Variants in PCDHGA3 observed in about 807,000 individuals in gnomAD.
The protein encoded by PCDHGA3 is protocadherin gamma subfamily A, 3, also known as protocadherin gamma-A3.
PCDHGA3 carries 40 observed loss-of-function variants against 58.5 expected under a neutral mutation model. That is an observed-to-expected ratio of 0.68 (90% confidence interval 0.53 to 0.89). PCDHGA3 has a LOEUF of 0.89. Among genes scored for constraint, PCDHGA3 ranks in the 40% least tolerant of loss-of-function variants. PCDHGA3 has a pLI of 0.00. For synonymous variants in PCDHGA3, 530 were observed against 525.7 expected (o/e 1.01, Z -0.11); for missense variants, 1,223 against 1,195.9 (o/e 1.02, Z -0.33).
At chr5:141,410,748 C>G in intron 1 of PCDHGA3, 1 of 1,245,396 alleles carries the variant, frequency 8.0e-7, no homozygotes, top group Non-Finnish European at 1.1e-6. Flanking sequence ...AATATTTTCT[C>G]AATGTTTTTT....
intron 2 of PCDHGA3, among the ~76,000 whole-genome samples, chr5:141,495,094 C>T (rs1470702358): frequency 6.6e-6 from 1 of 152,156 alleles, no homozygotes; most frequent in African/African-American, 2.4e-5. Flanking sequence ...CTTCCCTCCT[C>T]GCCACGACCG....
chr5:141,362,171 G>T (rs62378417), intron 1 of PCDHGA3: 1 of 1,613,836 alleles, frequency 6.2e-7, no homozygotes, highest in African/African-American at 1.3e-5. Context: ...AGCGACCGCC[G>T]GGAGCCCTCT....
intron 1 of PCDHGA3, chr5:141,361,938 C>T (rs778338184): frequency 1.2e-6 from 2 of 1,605,814 alleles, no homozygotes; most frequent in East Asian, 4.5e-5. Context: ...CAGGACACAA[C>T]GCTTGGCTGT....
At chr5:141,441,775 A>G (rs1005757857) in intron 1 of PCDHGA3, 27 of 388,638 alleles carry the variant, frequency 6.9e-5, no homozygotes, top group Admixed American at 5.4e-4. Context: ...GTGTTGGTGG[A>G]CGACCTGAAT....
At position 141,469,305 on chromosome 5, in the gene PCDHGA3, G is replaced by A. The variant is rs990437808; in HGVS notation, c.2425-25502G>A. Among the ~76,000 whole-genome samples the A allele has an allele frequency of 3.9e-5, 6 of 152,192 alleles. No homozygotes were observed. The South Asian group carries it at 6.2e-4, about 16-fold the overall frequency. On this transcript the variant is annotated intron_variant, in intron 1 of 3. Transcript: ENST00000253812. ...AAATAAAACAAAATAGACTGGGCACGATGGCTCACGCCTGTAATCCCACCA... is the reference window on the plus strand; with the variant it reads ...AAATAAAACAAAATAGACTGGGCACAATGGCTCACGCCTGTAATCCCACCA...
chr5:141,399,133 G>T (rs1054849184), intron 1 of PCDHGA3: 2 of 1,613,832 alleles, frequency 1.2e-6, no homozygotes, highest in African/African-American at 1.3e-5. Flanking sequence ...TATTCAAGAT[G>T]AAAATGACAA....
chr5:141,447,428 G>A (rs542079336), intron 1 of PCDHGA3, among the ~76,000 whole-genome samples: 4 of 152,182 alleles, frequency 2.6e-5, no homozygotes, highest in East Asian at 1.9e-4. Flanking sequence ...GTGAGCCACC[G>A]CACCCGGAGG....
At chr5:141,462,503 A>G (rs1338834436) in intron 1 of PCDHGA3, among the ~76,000 whole-genome samples, 1 of 152,060 alleles carries the variant, frequency 6.6e-6, no homozygotes, top group East Asian at 1.9e-4. Context: ...ATAATTGTCA[A>G]CTAGATCAAG....
At chr5:141,402,946 G>A (rs1012771364) in intron 1 of PCDHGA3, 1 of 1,592,686 alleles carries the variant, frequency 6.3e-7, no homozygotes, top group African/African-American at 1.4e-5. Flanking sequence ...TCCAAAGCGA[G>A]GCAGCAATGG....
intron 1 of PCDHGA3, among the ~76,000 whole-genome samples, chr5:141,435,790 A>G (rs1336963117): frequency 2.0e-5 from 3 of 152,168 alleles, no homozygotes; most frequent in African/African-American, 7.2e-5. Flanking sequence ...GCAGGGAAAC[A>G]TAACGTCCCA....
At chr5:141,479,849 C>T (rs1014214860) in intron 1 of PCDHGA3, among the ~76,000 whole-genome samples, 7 of 152,208 alleles carry the variant, frequency 4.6e-5, no homozygotes. Context: ...AAGGTGACTG[C>T]AAGGCCTTTG....
chr5:141,369,925 G>C (rs376465013), intron 1 of PCDHGA3, among the ~76,000 whole-genome samples: 2 of 152,186 alleles, frequency 1.3e-5, no homozygotes, highest in African/African-American at 2.4e-5. Flanking sequence ...AACTAAAAAC[G>C]TGACGGGATT....
rs766083208 is a variant in PCDHGA3, at chr5:141,477,506, G to A, written c.2425-17301G>A. 1.9e-6 allele frequency: 3 copies of A among 1,614,028 alleles called. No homozygotes were observed. Among genetic ancestry groups the A allele is most frequent in the South Asian group, 2.2e-5 (2 of 91,076 alleles). ...ACAATCTTCTCAATCTTCCTACGAC[G>A]TTTACATTGAAGAAAACAACCTCCC... On this transcript the variant is annotated intron_variant, in intron 1 of 3. Transcript: ENST00000253812. This position sits in a 1 kb window ranked among gnomAD's most constrained non-coding sequence, Gnocchi z 4.9.
At chr5:141,428,022 G>A (rs1439933482) in intron 1 of PCDHGA3, 11 of 1,605,558 alleles carry the variant, frequency 6.9e-6, no homozygotes, top group South Asian at 1.1e-5. Context: ...GCCACGCGCC[G>A]CAGAGTCCGG....
intron 1 of PCDHGA3, among the ~76,000 whole-genome samples, chr5:141,387,032 T>C (rs993852019): frequency 6.6e-6 from 1 of 152,202 alleles, no homozygotes; most frequent in Admixed American, 6.5e-5. Context: ...TTGTATTTCA[T>C]AACCAGTAAA....
chr5:141,420,030 G>A (rs1269646706), intron 1 of PCDHGA3: 1 of 1,613,940 alleles, frequency 6.2e-7, no homozygotes, highest in Non-Finnish European at 8.5e-7. Flanking sequence ...CCTACTGCAG[G>A]AGACTGCTTT....
At chr5:141,502,768 T>C (rs1389860952) in intron 2 of PCDHGA3, among the ~76,000 whole-genome samples, 1 of 152,154 alleles carries the variant, frequency 6.6e-6, no homozygotes, top group East Asian at 1.9e-4. Context: ...GCTGGTATTC[T>C]TCTGAAAATT....
rs959855220 is a variant in PCDHGA3, at chr5:141,476,280, G to A, written c.2425-18527G>A. 4 of 1,614,010 alleles carry A rather than the reference G, an allele frequency of 2.5e-6. No individual in the cohort carries two copies. In the African/African-American group the frequency reaches 5.3e-5, roughly 22 times the overall value. On this transcript the variant is annotated intron_variant, in intron 1 of 3. Transcript: ENST00000253812. This position sits in a 1 kb window ranked among gnomAD's most constrained non-coding sequence, Gnocchi z 7.6. ...GTGGGCAACGTGGTCGCGAACCTTG[G>A]TTTGGATCTCGGTAGCCTCTCAGCC...
At chr5:141,361,801 A>C (rs1312731980) in intron 1 of PCDHGA3, 1 of 1,613,040 alleles carries the variant, frequency 6.2e-7, no homozygotes, top group Non-Finnish European at 8.5e-7. Flanking sequence ...GGGCGACCTC[A>C]ATGACAATGC....
Sources: allele counts gnomAD v4.1 joint callset (sites outside exome capture counted in the v4.1 genomes callset), GRCh38; gene constraint gnomAD v4.1.1; non-coding constraint Gnocchi (gnomAD v3.1); transcripts MANE v1.5; gene names NCBI Gene and HGNC (gene_info 2026-07-23, HGNC 2026-07-21).